PTK2: variants seen among roughly 807,000 people sequenced by gnomAD.
PTK2 encodes the protein protein tyrosine kinase 2, also known as focal adhesion kinase 1.
A neutral mutation model predicts 150.1 loss-of-function variants in PTK2; 45 were observed. The ratio of observed to expected loss-of-function variants is 0.30; its 90% CI spans 0.24 to 0.38. The LOEUF (loss-of-function observed/expected upper bound fraction) is 0.38. Ranked by LOEUF, PTK2 falls within the 10% of genes least tolerant of loss-of-function variation. The probability of loss-of-function intolerance (pLI) is 1.00; values close to 1 mark genes in which losing one functional copy is unlikely to be tolerated. For missense variants in PTK2, 919 were observed against 1,307.3 expected (o/e 0.70, Z 4.58); for synonymous variants, 432 against 449.2 (o/e 0.96, Z 0.48).
At chr8:140,662,310 TTAA>T (rs2081585272) in intron 31 of PTK2, among the ~76,000 whole-genome samples, 2 of 151,266 alleles carry the variant, frequency 1.3e-5, no homozygotes, top group Middle Eastern at 6.8e-3. Flanking sequence ...AAAAAAAAAA[TTAA>T]TAATTAAAAA....
intron 21 of PTK2, 119 bp downstream of exon 24, chr8:140,738,899 G>T: frequency 1.9e-6 from 1 of 521,942 alleles, no homozygotes; most frequent in Non-Finnish European, 3.1e-6. Context: ...AGTCTGATGA[G>T]GAGATGATCA....
chr8:140,783,479 T>C (rs527331028), intron 14 of PTK2, among the ~76,000 whole-genome samples: 1 of 152,338 alleles, frequency 6.6e-6, no homozygotes, highest in East Asian at 1.9e-4. Context: ...GACACATGCA[T>C]ATGTAAATAA....
chr8:140,860,694 G>A (rs1334717065), intron 5 of PTK2, among the ~76,000 whole-genome samples: 2 of 152,082 alleles, frequency 1.3e-5, no homozygotes, highest in African/African-American at 4.8e-5. Context: ...GGCTGGTCTC[G>A]AACTCCTGAC....
At chr8:140,922,360 A>G (rs939282590) in intron 2 of PTK2, among the ~76,000 whole-genome samples, 3 of 151,918 alleles carry the variant, frequency 2.0e-5, no homozygotes, top group African/African-American at 7.3e-5. Flanking sequence ...CTCCAGAAAA[A>G]CATGAGCAAG....
At chr8:140,782,320 C>T (rs2100082258) in intron 14 of PTK2, among the ~76,000 whole-genome samples, 3 of 150,670 alleles carry the variant, frequency 2.0e-5, no homozygotes, top group Non-Finnish European at 4.4e-5. Flanking sequence ...TCTCAGCTCA[C>T]TGCAACCTCC....
intron 14 of PTK2, chr8:140,764,555 A>G (rs908678204): frequency 2.1e-6 from 1 of 485,554 alleles, no homozygotes; most frequent in African/African-American, 1.9e-5. Context: ...AAACAGAACG[A>G]CATGAAACAA....
intron 14 of PTK2, among the ~76,000 whole-genome samples, chr8:140,781,279 TTG>T (rs1364622319): frequency 1.3e-5 from 2 of 152,188 alleles, no homozygotes; most frequent in Non-Finnish European, 2.9e-5. Context: ...CTTGGGCTTT[TTG>T]TGTTTTAATA....
At chr8:140,680,180 G>A (rs921778164) in intron 27 of PTK2, among the ~76,000 whole-genome samples, 16 of 152,150 alleles carry the variant, frequency 1.1e-4, no homozygotes, top group African/African-American at 3.9e-4. Context: ...CTGGCACAAA[G>A]CAAACTGAGA....
chr8:140,836,349 C>T (rs557428101), intron 7 of PTK2, among the ~76,000 whole-genome samples: 1 of 152,270 alleles, frequency 6.6e-6, no homozygotes, highest in Admixed American at 6.5e-5. Flanking sequence ...AGAGAATGCC[C>T]ATCTCTTCCT....
chr8:140,789,400 A>C (rs2100087005), intron 14 of PTK2, 74 bp downstream of exon 14: 3 of 1,428,670 alleles, frequency 2.1e-6, no homozygotes, highest in Non-Finnish European at 2.9e-6. Flanking sequence ...AAGCAATTAT[A>C]CTAAAAATAG....
In PTK2 at chr8:140,706,924, C is replaced by T. The variant is rs78847877; in HGVS notation, c.2143-719G>A. 2.6e-3 allele frequency among the ~76,000 whole-genome samples: 388 copies of T among 152,138 alleles called. 14 individuals are homozygous for T. In the East Asian group the frequency reaches 0.068, roughly 27 times the overall value. On this transcript the variant is annotated intron_variant, in intron 23 of 31. Coordinates refer to ENST00000522684, the Ensembl canonical transcript of PTK2. ...CATGAATGTTCTTAACAGCATTATT[C>T]ACAATAGATAAAAAGGGGGAACAGT...
At chr8:140,759,885 G>A (rs2100068389) in intron 16 of PTK2, among the ~76,000 whole-genome samples, 1 of 150,684 alleles carries the variant, frequency 6.6e-6, no homozygotes, top group Non-Finnish European at 1.5e-5. Flanking sequence ...GTTACCATAT[G>A]ATGAAGCAAT....
At chr8:140,694,304 A>G (rs986969276) in intron 26 of PTK2, among the ~76,000 whole-genome samples, 8 of 151,952 alleles carry the variant, frequency 5.3e-5, no homozygotes, top group South Asian at 4.1e-4. Context: ...GCCTCCCAAA[A>G]TGCTGGGATT....
At chr8:140,852,772 C>T (rs2100130119) in intron 5 of PTK2, among the ~76,000 whole-genome samples, 1 of 152,138 alleles carries the variant, frequency 6.6e-6, no homozygotes. Flanking sequence ...GCAGAAGTAA[C>T]CTAATTCCAG....
chr8:140,882,387 A>G (rs1392784326), intron 3 of PTK2, among the ~76,000 whole-genome samples: 1 of 152,204 alleles, frequency 6.6e-6, no homozygotes, highest in East Asian at 1.9e-4. Context: ...GACTGTCTCT[A>G]AAAGGATAAT....
chr8:140,874,952 A>G (rs571091629), intron 4 of PTK2, among the ~76,000 whole-genome samples: 2 of 152,334 alleles, frequency 1.3e-5, no homozygotes, highest in East Asian at 3.9e-4. Flanking sequence ...AGAACCAGGA[A>G]TAGAGGAGTG....
At chr8:140,706,170 G>A (rs529170534) in exon 24 of PTK2, 7 of 1,613,504 alleles carry the variant, frequency 4.3e-6, no homozygotes, top group Admixed American at 3.3e-5. Context: ...AAAATCCTTC[G>A]CTGGACCTCG....
At chr8:140,720,566 C>T (rs1203354092) in intron 22 of PTK2, among the ~76,000 whole-genome samples, 3 of 152,142 alleles carry the variant, frequency 2.0e-5, no homozygotes, top group Admixed American at 6.5e-5. Flanking sequence ...AAATGGGGTA[C>T]CTCCCTAACT....
intron 4 of PTK2, 152 bp downstream of exon 4, chr8:140,879,319 T>C (rs1336129911): frequency 2.6e-6 from 2 of 757,672 alleles, no homozygotes; most frequent in Admixed American, 3.4e-5. Flanking sequence ...GAAGAGATCA[T>C]TCGTTAATAA....
Sources: allele counts gnomAD v4.1 joint callset (sites outside exome capture counted in the v4.1 genomes callset), GRCh38; gene constraint gnomAD v4.1.1; transcripts MANE v1.5; gene names NCBI Gene and HGNC (gene_info 2026-07-23, HGNC 2026-07-21).